Variants in PITPNC1 observed in about 807,000 individuals in gnomAD.
PITPNC1 encodes cytoplasmic phosphatidylinositol transfer protein 1.
PITPNC1 carries 18 observed loss-of-function variants against 44.7 expected under a neutral mutation model. That is an observed-to-expected ratio of 0.40 (90% confidence interval 0.28 to 0.60). The LOEUF (loss-of-function observed/expected upper bound fraction) is 0.60, where lower values mean the gene tolerates loss of function less well. Among genes scored for constraint, PITPNC1 ranks in the 20% least tolerant of loss-of-function variants. PITPNC1 has a pLI of 0.39. For missense variants in PITPNC1, 290 were observed against 418.4 expected, an observed-to-expected ratio of 0.69 and a Z score of 2.68; for synonymous variants, 141 against 149.6, an observed-to-expected ratio of 0.94 and a Z score of 0.42.
intron 5 of PITPNC1, among the ~76,000 whole-genome samples, chr17:67,630,057 A>G (rs1007288973): frequency 7.9e-5 from 12 of 152,222 alleles, no homozygotes; most frequent in Admixed American, 5.2e-4. Flanking sequence ...TAATCGTTTC[A>G]AGTAACTTGA....
intron 1 of PITPNC1, among the ~76,000 whole-genome samples, chr17:67,517,984 A>G (rs2040279455): frequency 6.6e-6 from 1 of 152,232 alleles, no homozygotes; most frequent in Non-Finnish European, 1.5e-5. Context: ...AATAGAATAA[A>G]AAGTGACTTG....
chr17:67,489,261 T>A (rs997873191), intron 1 of PITPNC1, among the ~76,000 whole-genome samples: 1 of 152,222 alleles, frequency 6.6e-6, no homozygotes, highest in Non-Finnish European at 1.5e-5. Flanking sequence ...CCCATAGGCC[T>A]CTGTCCTCAC....
intron 1 of PITPNC1, among the ~76,000 whole-genome samples, chr17:67,494,209 C>CTTTCTTTCTTTCT (rs1568012961): frequency 8.8e-5 from 13 of 146,992 alleles, no homozygotes; most frequent in African/African-American, 3.3e-4. Flanking sequence ...TTCTTTCTTT[C>CTTTCTTTCTTTCT]TTTCTTTTTG....
chr17:67,547,783 G>A (rs1304820420), intron 2 of PITPNC1, among the ~76,000 whole-genome samples: 1 of 152,198 alleles, frequency 6.6e-6, no homozygotes, highest in Non-Finnish European at 1.5e-5. Flanking sequence ...TCTTTATGAA[G>A]TAGGTAAACA....
intron 1 of PITPNC1, among the ~76,000 whole-genome samples, chr17:67,497,859 C>CT (rs2039976780): frequency 1.4e-5 from 2 of 142,766 alleles, no homozygotes; most frequent in Non-Finnish European, 3.0e-5. Context: ...GTGTATTTTT[C>CT]TTTCTTTTTT....
chr17:67,620,432 G>A (rs1038127758), intron 5 of PITPNC1, among the ~76,000 whole-genome samples: 1 of 152,248 alleles, frequency 6.6e-6, no homozygotes, highest in South Asian at 2.1e-4. Context: ...ACAGTGTGAG[G>A]AAAACAGAAG....
rs56142240 is a variant in PITPNC1, at chr17:67,631,053, GTTATTATTATTA to G, written c.367-1057_367-1046del. On this transcript the variant is annotated intron_variant, in intron 5 of 8. Coordinates refer to ENST00000581322, the MANE Select transcript of PITPNC1 (RefSeq NM_012417.4). ...ATATTGCGGCTGTGTTGTTGTTGTT[GTTATTATTATTA>G]TTATTATTATTATTATTATTATTAT... Among the ~76,000 whole-genome samples, 245 of 127,754 alleles carry G rather than the reference GTTATTATTATTA, an allele frequency of 1.9e-3. 1 individual carries two copies. The highest frequency in any genetic ancestry group is 9.1e-3 in the East Asian group (41 of 4,502). The allele number at this position is 127,754 out of a possible 152,430, so 83.8% of individuals were successfully genotyped here.
At chr17:67,525,870 A>G (rs900236867) in intron 1 of PITPNC1, among the ~76,000 whole-genome samples, 3 of 152,240 alleles carry the variant, frequency 2.0e-5, no homozygotes, top group Non-Finnish European at 4.4e-5. Context: ...TGAGGCAGGA[A>G]TCACACACGT....
chr17:67,653,569 T>C (rs1338442122), intron 6 of PITPNC1, among the ~76,000 whole-genome samples: 1 of 152,210 alleles, frequency 6.6e-6, no homozygotes, highest in East Asian at 1.9e-4. Context: ...TCTGTGATAC[T>C]TGATACAGCA....
rs73347995 is a variant in PITPNC1 at position 67,498,252 on chromosome 17, G to T, written c.49-34550G>T. Among the ~76,000 whole-genome samples, 925 of 151,768 alleles carry T rather than the reference G, an allele frequency of 6.1e-3. 9 individuals are homozygous for T. The highest frequency in any genetic ancestry group is 0.021 in the African/African-American group (855 of 41,420). On this transcript the variant is annotated intron_variant, in intron 1 of 8. Transcript: ENST00000581322. ...TCTCTTGCTTATTATTTCCTTTTGG[G>T]TTATCTTTTTAATTAATTTAGGAAC...
chr17:67,555,672 C>CAA (rs67935513), intron 4 of PITPNC1, among the ~76,000 whole-genome samples: 52 of 78,148 alleles, frequency 6.7e-4, no homozygotes, highest in African/African-American at 1.6e-3. Flanking sequence ...ACTAAAAATA[C>CAA]AAAAAAAAAA....
At chr17:67,583,261 C>G (rs1390698474) in intron 5 of PITPNC1, among the ~76,000 whole-genome samples, 1 of 152,130 alleles carries the variant, frequency 6.6e-6, no homozygotes, top group Non-Finnish European at 1.5e-5. Flanking sequence ...CTGAGAGGGT[C>G]TAGACCAGCA....
At chr17:67,386,437 C>T (rs1310195334) in intron 1 of PITPNC1, among the ~76,000 whole-genome samples, 1 of 152,188 alleles carries the variant, frequency 6.6e-6, no homozygotes, top group African/African-American at 2.4e-5. Flanking sequence ...AGGTGATCCA[C>T]CCGCCTCGGC....
chr17:67,623,529 C>T (rs1303410684), intron 5 of PITPNC1, among the ~76,000 whole-genome samples: 1 of 152,182 alleles, frequency 6.6e-6, no homozygotes, highest in African/African-American at 2.4e-5. Context: ...GGACTACAGG[C>T]ATACGCCACC....
intron 3 of PITPNC1, chr17:67,553,221 A>G (rs1340285533): frequency 1.3e-5 from 2 of 158,276 alleles, no homozygotes; most frequent in East Asian, 1.8e-4. Flanking sequence ...AACGTCATCA[A>G]TAACAAGCTC....
At chr17:67,539,371 C>T (rs1207440781) in intron 2 of PITPNC1, among the ~76,000 whole-genome samples, 3 of 152,098 alleles carry the variant, frequency 2.0e-5, no homozygotes. Context: ...GGAGATTAGT[C>T]CTAATGCTGT....
chr17:67,624,230 T>TTTTTTTTTTTTTTC (rs1567745244), intron 5 of PITPNC1, among the ~76,000 whole-genome samples: 1 of 147,118 alleles, frequency 6.8e-6, no homozygotes. Context: ...TTTTTTTTTT[T>TTTTTTTTTTTTTTC]CCTCAGGGTT....
rs1491520553 is a variant in PITPNC1, at chr17:67,408,720, TCC to T, written c.48+30519_48+30520del. 4.0e-4 allele frequency: 53 copies of T among 133,684 alleles called. 3 individuals are homozygous for T. The highest frequency in any genetic ancestry group is 1.1e-3 in the South Asian group (5 of 4,418). 8.3% of individuals were successfully genotyped at this position (133,684 alleles called of 1,614,324 possible). ...TTCCTTCCTTCCTTCCTTCCTTCCT[TCC>T]TTCCTTCCTTTCTTTCTTTCTCTCT... is the stretch of plus-strand genomic sequence containing the variant. On this transcript the variant is annotated intron_variant, in intron 1 of 8. Transcript: ENST00000581322.
At chr17:67,432,774 A>C (rs2143899291) in intron 1 of PITPNC1, among the ~76,000 whole-genome samples, 1 of 152,338 alleles carries the variant, frequency 6.6e-6, no homozygotes, top group South Asian at 2.1e-4. Context: ...ATCTTTGTAA[A>C]CATCAGCTAT....
Sources: allele counts gnomAD v4.1 joint callset (sites outside exome capture counted in the v4.1 genomes callset), GRCh38; gene constraint gnomAD v4.1.1; transcripts MANE v1.5; gene names NCBI Gene and HGNC (gene_info 2026-07-23, HGNC 2026-07-21).